CNTN4: variants seen among roughly 807,000 people sequenced by gnomAD.
The protein encoded by CNTN4 is contactin-4.
CNTN4 carries 77 observed loss-of-function variants against 122.5 expected under a neutral mutation model. That is an observed-to-expected ratio of 0.63 (90% confidence interval 0.52 to 0.76). The LOEUF (loss-of-function observed/expected upper bound fraction) is 0.76. Ranked by LOEUF, CNTN4 falls within the 30% of genes least tolerant of loss-of-function variation. The pLI, the probability that CNTN4 is intolerant of heterozygous loss-of-function variation, is 0.00. For synonymous variants in CNTN4, 512 were observed against 447.0 expected, an observed-to-expected ratio of 1.15 and a Z score of -1.83; for missense variants, 1,256 against 1,259.1, an observed-to-expected ratio of 1.00 and a Z score of 0.04.
At position 2,639,914 on chromosome 3, in the gene CNTN4, A is replaced by G. The variant is rs1313335335; in HGVS notation, c.55+68356A>G. The stretch of plus-strand genomic sequence containing the variant: ...GCTTAAGGAACAACTAAGCTATCTG[A>G]CTTCCACCCCCTTTCCCCGTGCTAG... On this transcript the variant is annotated intron_variant, in intron 4 of 24. Transcript: ENST00000418658. 2.6e-5 allele frequency among the ~76,000 whole-genome samples: 4 copies of G among 152,176 alleles called. No individual in the cohort carries two copies. The South Asian group carries it at 8.3e-4, about 32-fold the overall frequency.
intron 7 of CNTN4, among the ~76,000 whole-genome samples, chr3:2,864,690 G>A (rs2093704562): frequency 7.7e-6 from 1 of 130,454 alleles, no homozygotes; most frequent in Non-Finnish European, 1.5e-5. Context: ...AGTGAGCCAA[G>A]ATCGTGCCAC....
chr3:2,440,337 A>G (rs1030513082), intron 3 of CNTN4, among the ~76,000 whole-genome samples: 2 of 152,232 alleles, frequency 1.3e-5, no homozygotes, highest in African/African-American at 4.8e-5. Flanking sequence ...CCTCAGATCC[A>G]TTAACTGACA....
At chr3:2,322,210 A>G (rs146886668) in intron 2 of CNTN4, among the ~76,000 whole-genome samples, 300 of 152,296 alleles carry the variant, frequency 2.0e-3, no homozygotes, top group African/African-American at 5.2e-3. Context: ...TTTAATTTGA[A>G]AGCAGGGACT....
intron 13 of CNTN4, among the ~76,000 whole-genome samples, chr3:2,927,140 AAATAAT>A (rs1229964536): frequency 6.6e-6 from 1 of 152,224 alleles, no homozygotes; most frequent in African/African-American, 2.4e-5. Flanking sequence ...GACACTAAGA[AAATAAT>A]AATATGGGTA....
intron 4 of CNTN4, among the ~76,000 whole-genome samples, chr3:2,666,522 CTA>C: frequency 6.6e-6 from 1 of 152,192 alleles, no homozygotes; most frequent in South Asian, 2.1e-4. Flanking sequence ...TTTATTTTAT[CTA>C]TGTTAGCTTT....
intron 3 of CNTN4, among the ~76,000 whole-genome samples, chr3:2,416,394 C>T (rs771820741): frequency 6.6e-6 from 1 of 152,080 alleles, no homozygotes; most frequent in Non-Finnish European, 1.5e-5. Context: ...GGAATATCTG[C>T]GTTATATAAC....
At chr3:2,117,169 A>G (rs1186377246) in intron 2 of CNTN4, among the ~76,000 whole-genome samples, 2 of 152,182 alleles carry the variant, frequency 1.3e-5, no homozygotes, top group African/African-American at 4.8e-5. Flanking sequence ...GGCATTTCTA[A>G]AACAGACCAG....
At chr3:2,250,734 A>T (rs564964373) in intron 2 of CNTN4, among the ~76,000 whole-genome samples, 1 of 152,054 alleles carries the variant, frequency 6.6e-6, no homozygotes, top group African/African-American at 2.4e-5. Flanking sequence ...TGCATATTTA[A>T]AACATACTAA....
At chr3:2,890,419 TTCTG>T (rs745353864) in intron 10 of CNTN4, among the ~76,000 whole-genome samples, 1 of 152,298 alleles carries the variant, frequency 6.6e-6, no homozygotes, top group Non-Finnish European at 1.5e-5. Context: ...TCCATGAACA[TTCTG>T]TCTTTGTTGA....
chr3:2,668,190 C>T (rs1045464502), intron 4 of CNTN4, among the ~76,000 whole-genome samples: 4 of 152,130 alleles, frequency 2.6e-5, no homozygotes, highest in Non-Finnish European at 4.4e-5. Context: ...GGCAGTATGA[C>T]CATTTTCACA....
At chr3:3,007,477 A>T (rs1202555350) in intron 14 of CNTN4, among the ~76,000 whole-genome samples, 3 of 152,226 alleles carry the variant, frequency 2.0e-5, no homozygotes, top group African/African-American at 7.2e-5. Flanking sequence ...AAAAGGTGTC[A>T]CCTGGCTCTG....
chr3:2,463,290 A>G (rs1274047542), intron 3 of CNTN4, among the ~76,000 whole-genome samples: 1 of 152,220 alleles, frequency 6.6e-6, no homozygotes, highest in East Asian at 1.9e-4. Context: ...CACATCAAAC[A>G]AAGTAAAACT....
chr3:2,586,782 C>A (rs2080223870), intron 4 of CNTN4, among the ~76,000 whole-genome samples: 1 of 152,230 alleles, frequency 6.6e-6, no homozygotes, highest in African/African-American at 2.4e-5. Flanking sequence ...TAACTGCAAC[C>A]ACACTGTAGT....
intron 2 of CNTN4, among the ~76,000 whole-genome samples, chr3:2,251,755 G>A (rs2040387578): frequency 6.6e-6 from 1 of 151,534 alleles, no homozygotes; most frequent in Admixed American, 6.6e-5. Flanking sequence ...AATACATTAT[G>A]TAGGTAGGTT....
intron 14 of CNTN4, 99 bp from the exon 15 acceptor site, chr3:3,026,003 T>G: frequency 8.5e-7 from 1 of 1,175,512 alleles, no homozygotes; most frequent in Non-Finnish European, 1.2e-6. Context: ...AAAGCAAAAT[T>G]ACTTAGTATT....
At chr3:2,204,988 C>G (rs1296356747) in intron 2 of CNTN4, among the ~76,000 whole-genome samples, 8 of 152,000 alleles carry the variant, frequency 5.3e-5, no homozygotes, top group Non-Finnish European at 7.4e-5. Context: ...TTTATTTGTA[C>G]TAGACAGATA....
intron 2 of CNTN4, among the ~76,000 whole-genome samples, chr3:2,126,539 A>G (rs537612619): frequency 5.3e-4 from 81 of 152,332 alleles, no homozygotes; most frequent in Middle Eastern, 3.4e-3. Context: ...TTTAATCATT[A>G]GCTAATAAGA....
intron 4 of CNTN4, among the ~76,000 whole-genome samples, chr3:2,627,551 T>C (rs1553594797): frequency 2.0e-5 from 3 of 148,892 alleles, no homozygotes; most frequent in Non-Finnish European, 4.4e-5. Flanking sequence ...TGGAGTGTAG[T>C]AGCGCAATCT....
chr3:2,138,936 T>C (rs2034845238), intron 2 of CNTN4, among the ~76,000 whole-genome samples: 1 of 152,202 alleles, frequency 6.6e-6, no homozygotes, highest in Non-Finnish European at 1.5e-5. Context: ...GAGCTCTGAC[T>C]AATAGAGTAG....
Sources: allele counts gnomAD v4.1 joint callset (sites outside exome capture counted in the v4.1 genomes callset), GRCh38; gene constraint gnomAD v4.1.1; transcripts MANE v1.5; gene names NCBI Gene and HGNC (gene_info 2026-07-23, HGNC 2026-07-21).